PPA1: variants seen among roughly 807,000 people sequenced by gnomAD.
The protein encoded by PPA1 is inorganic pyrophosphatase 1.
PPA1 carries 23 observed loss-of-function variants against 41.8 expected under a neutral mutation model. The observed-to-expected ratio is 0.55, with a 90% confidence interval of 0.40 to 0.78. PPA1 has a LOEUF of 0.78. PPA1 is among the 30% of genes least tolerant of loss of function. PPA1 has a pLI of 0.00. For missense variants in PPA1, 320 were observed against 361.6 expected, an observed-to-expected ratio of 0.89 and a Z score of 0.93; for synonymous variants, 101 against 116.8, an observed-to-expected ratio of 0.86 and a Z score of 0.87.
At chr10:70,216,691 A>G (rs1220433281) in intron 4 of PPA1, among the ~76,000 whole-genome samples, 2 of 152,180 alleles carry the variant, frequency 1.3e-5, no homozygotes, top group Non-Finnish European at 2.9e-5. Context: ...ATTAAACTGA[A>G]TATTTAGTTA....
intron 1 of PPA1, among the ~76,000 whole-genome samples, chr10:70,232,889 T>C (rs1451855795): frequency 6.7e-6 from 1 of 150,326 alleles, no homozygotes. Flanking sequence ...TTCTCCAAAC[T>C]GAGCAATCCT....
chr10:70,203,420 C>T (rs1461854091), intron 10 of PPA1, among the ~76,000 whole-genome samples: 1 of 151,408 alleles, frequency 6.6e-6, no homozygotes, highest in Non-Finnish European at 1.5e-5. Flanking sequence ...TTTTTAATTT[C>T]GAGACAGGGT....
intron 2 of PPA1, among the ~76,000 whole-genome samples, chr10:70,219,843 T>A (rs1423547956): frequency 6.6e-6 from 1 of 152,192 alleles, no homozygotes; most frequent in African/African-American, 2.4e-5. Context: ...TTAATTAAAC[T>A]TGAGCTTTAA....
intron 8 of PPA1, among the ~76,000 whole-genome samples, chr10:70,208,664 C>T (rs994753589): frequency 6.6e-6 from 1 of 152,036 alleles, no homozygotes; most frequent in Non-Finnish European, 1.5e-5. Flanking sequence ...CATTTTTACA[C>T]ATATAACTCT....
chr10:70,217,574 A>T (rs1840093293), intron 4 of PPA1, among the ~76,000 whole-genome samples: 1 of 152,272 alleles, frequency 6.6e-6, no homozygotes, highest in African/African-American at 2.4e-5. Flanking sequence ...CCAAAAAAGA[A>T]GAAATATTTC....
chr10:70,229,096 T>G (rs1178482280), intron 2 of PPA1, among the ~76,000 whole-genome samples: 3 of 152,208 alleles, frequency 2.0e-5, no homozygotes, highest in Non-Finnish European at 4.4e-5. Flanking sequence ...GTCCTTGTGT[T>G]AAGTTGCTAA....
intron 8 of PPA1, among the ~76,000 whole-genome samples, chr10:70,206,896 GGAGGA>G (rs1564580285): frequency 9.9e-6 from 1 of 100,632 alleles, no homozygotes; most frequent in East Asian, 3.5e-4. Flanking sequence ...GGAGGGGAGG[GGAGGA>G]GAGGACGAAA....
chr10:70,223,327 G>A (rs1187908247), intron 2 of PPA1, among the ~76,000 whole-genome samples: 1 of 152,032 alleles, frequency 6.6e-6, no homozygotes, highest in Non-Finnish European at 1.5e-5. Context: ...CAATCCTCCT[G>A]CCTCAGCCTC....
chr10:70,225,362 C>T (rs910109282), intron 2 of PPA1, among the ~76,000 whole-genome samples: 5 of 152,044 alleles, frequency 3.3e-5, no homozygotes, highest in Non-Finnish European at 7.4e-5. Context: ...GCACCTGCCA[C>T]CACACCCAGC....
intron 8 of PPA1, 66 bp from the exon 9 acceptor site, chr10:70,206,399 A>G (rs1324911514): frequency 5.6e-6 from 7 of 1,240,328 alleles, no homozygotes; most frequent in Non-Finnish European, 8.2e-6. Flanking sequence ...GAGTTAAAAA[A>G]TGAGTTGAAA....
At chr10:70,211,156 G>A (rs1426699259) in intron 6 of PPA1, among the ~76,000 whole-genome samples, 2 of 152,162 alleles carry the variant, frequency 1.3e-5, no homozygotes, top group Non-Finnish European at 2.9e-5. Flanking sequence ...AATGCACTGG[G>A]AAATGTTTAA....
chr10:70,213,763 T>G (rs1450727165), intron 5 of PPA1, among the ~76,000 whole-genome samples, 174 bp from the exon 6 acceptor site: 3 of 152,016 alleles, frequency 2.0e-5, no homozygotes, highest in Non-Finnish European at 2.9e-5. Flanking sequence ...TCAGTCCTAT[T>G]AAAGTTGAAA....
At chr10:70,212,757 T>G (rs900762402) in intron 6 of PPA1, among the ~76,000 whole-genome samples, 1 of 150,988 alleles carries the variant, frequency 6.6e-6, no homozygotes, top group Non-Finnish European at 1.5e-5. Flanking sequence ...TGTGAATGAA[T>G]GAAATGCCAC....
At position 70,203,064 on chromosome 10, in the gene PPA1, T is replaced by C. The variant is rs1839899970; in HGVS notation, c.*91A>G. The C allele has an allele frequency of 7.6e-7, 1 of 1,317,262 alleles. No homozygotes were observed. The highest frequency in any genetic ancestry group is 1.1e-6 in the Non-Finnish European group (1 of 924,416). The allele number at this position is 1,317,262 out of a possible 1,614,324, so 81.6% of individuals were successfully genotyped here. Reference sequence around the variant, plus strand: ...ACTTTAGTTAGATGAGTTCTACAAATTTAAAGCTTTGAAAAGCTACTACTT... The same window carrying C: ...ACTTTAGTTAGATGAGTTCTACAAACTTAAAGCTTTGAAAAGCTACTACTT... On this transcript the variant is annotated 3_prime_UTR_variant, in exon 11 of 11. Coordinates refer to ENST00000373232, the MANE Select transcript of PPA1 (RefSeq NM_021129.4).
intron 2 of PPA1, among the ~76,000 whole-genome samples, chr10:70,221,070 ATATATATTT>A (rs1840159206): frequency 6.1e-5 from 1 of 16,466 alleles, no homozygotes; most frequent in Non-Finnish European, 8.9e-5. Context: ...ATATATATAT[ATATATATTT>A]TTTTTTTTTT....
chr10:70,231,266 G>A (rs1840287237), intron 1 of PPA1, among the ~76,000 whole-genome samples: 2 of 152,136 alleles, frequency 1.3e-5, no homozygotes, highest in Admixed American at 1.3e-4. Flanking sequence ...ATCCCTTCAA[G>A]TTTAAAAATC....
intron 2 of PPA1, among the ~76,000 whole-genome samples, chr10:70,228,079 C>T (rs988000576): frequency 2.6e-5 from 4 of 152,120 alleles, no homozygotes; most frequent in African/African-American, 9.7e-5. Flanking sequence ...GGCTTCTGCC[C>T]AAGGTCCACT....
At chr10:70,215,072 G>A (rs1462694805) in intron 4 of PPA1, among the ~76,000 whole-genome samples, 2 of 152,212 alleles carry the variant, frequency 1.3e-5, no homozygotes, top group East Asian at 1.9e-4. Flanking sequence ...GTGCATGCCT[G>A]TAATCCCAGC....
intron 2 of PPA1, among the ~76,000 whole-genome samples, chr10:70,226,341 A>T (rs1242640849): frequency 6.6e-6 from 1 of 152,050 alleles, no homozygotes; most frequent in Non-Finnish European, 1.5e-5. Flanking sequence ...TTGGGAGCTG[A>T]GGTGGGTGGA....
Sources: allele counts gnomAD v4.1 joint callset (sites outside exome capture counted in the v4.1 genomes callset), GRCh38; gene constraint gnomAD v4.1.1; transcripts MANE v1.5; gene names NCBI Gene and HGNC (gene_info 2026-07-23, HGNC 2026-07-21).